Variants in RAB27A observed in about 807,000 individuals in gnomAD.
The protein encoded by RAB27A is ras-related protein Rab-27A.
A neutral mutation model predicts 20.8 loss-of-function variants in RAB27A; 17 were observed. That is an observed-to-expected ratio of 0.82 (90% CI 0.56 to 1.23). RAB27A has a LOEUF of 1.23. Among genes scored for constraint, RAB27A ranks in the 50% most tolerant of loss-of-function variants. The pLI is 0.00. For missense variants in RAB27A, 277 were observed against 266.7 expected (o/e 1.04, Z -0.27); for synonymous variants, 85 against 92.8 (o/e 0.92, Z 0.48).
chr15:55,268,131 C>A lies in RAB27A; in HGVS notation c.-23+2034G>T, dbSNP rs1342327590. Among the ~76,000 whole-genome samples, 4 of 151,844 alleles carry A rather than the reference C, an allele frequency of 2.6e-5. 1 individual carries two copies. The highest frequency in any genetic ancestry group is 9.7e-5 in the African/African-American group (4 of 41,384). ...TGGATAAAATGCCCTCATGAATAAA[C>A]ACTCATCCCCAAAACATCTTTTTTT... is the stretch of plus-strand genomic sequence containing the variant. On this transcript the variant is annotated intron_variant, in intron 2 of 6. Coordinates refer to ENST00000336787, the MANE Select transcript of RAB27A (RefSeq NM_183235.3).
At chr15:55,222,553 A>T (rs139863432) in intron 6 of RAB27A, among the ~76,000 whole-genome samples, 104 of 152,080 alleles carry the variant, frequency 6.8e-4, no homozygotes, top group Middle Eastern at 3.4e-3. Context: ...GATCAAATCT[A>T]ATCTCCTTAC....
At chr15:55,287,588 A>G (rs1300327372) in intron 1 of RAB27A, among the ~76,000 whole-genome samples, 2 of 151,894 alleles carry the variant, frequency 1.3e-5, no homozygotes, top group African/African-American at 4.8e-5. Flanking sequence ...TCTCTACTAA[A>G]AATATAAAAT....
chr15:55,246,821 A>G (rs1336202518), intron 2 of RAB27A, among the ~76,000 whole-genome samples: 1 of 152,088 alleles, frequency 6.6e-6, no homozygotes, highest in South Asian at 2.1e-4. Flanking sequence ...GCAGTCTCCA[A>G]GAATTTGGAA....
At chr15:55,224,429 T>C (rs1895716916) in intron 5 of RAB27A, among the ~76,000 whole-genome samples, 1 of 152,246 alleles carries the variant, frequency 6.6e-6, no homozygotes, top group South Asian at 2.1e-4. Context: ...AGCAATGACA[T>C]TTCTAAAAGA....
intron 1 of RAB27A, among the ~76,000 whole-genome samples, chr15:55,288,479 C>T (rs978024152): frequency 1.3e-5 from 2 of 152,028 alleles, no homozygotes; most frequent in Non-Finnish European, 2.9e-5. Flanking sequence ...CAAGATCATG[C>T]CACCGCATTC....
At chr15:55,277,688 T>C (rs1466146786) in intron 1 of RAB27A, among the ~76,000 whole-genome samples, 4 of 152,010 alleles carry the variant, frequency 2.6e-5, no homozygotes, top group Non-Finnish European at 5.9e-5. Flanking sequence ...TGAAGAAAAA[T>C]GGGCACCAAA....
rs1051253327 is a variant in RAB27A at position 55,204,130 on chromosome 15, C to A, written c.*1377G>T. The A allele has an allele frequency of 5.3e-5, 8 of 152,230 alleles. No individual in the cohort carries two copies. The East Asian group carries it at 1.5e-3, about 29-fold the overall frequency. The allele number at this position is 152,230 out of a possible 1,614,324, so 9.4% of individuals were successfully genotyped here. On this transcript the variant is annotated 3_prime_UTR_variant, in exon 7 of 7. Transcript: ENST00000336787. ...ATTTAAATTATGGTGAGTGATATTT[C>A]TTCCTATATAGCCATTAAGATCTCT...
Position 55,228,654 on chromosome 15 carries a change from C to G in RAB27A, c.298G>C (p.Asp100His), listed in dbSNP as rs1418292027. The change falls in exon 5 of 7, where the codon GAT (aspartate) becomes CAT (histidine). Residue 100 changes from aspartate (D) to histidine (H), a missense_variant. By Grantham distance (81) the Asp-to-His change is moderately conservative. Transcript: ENST00000336787. ...AGGAAACTTTGCTCATTTGTCAGATCAAAAAGTAGAAGAAAACCCATAGCA... is the reference window on the plus strand; with the variant it reads ...AGGAAACTTTGCTCATTTGTCAGATGAAAAAGTAGAAGAAAACCCATAGCA... ...RDAMGFLLLF[D>H]LTNEQSFLNV... The G allele has an allele frequency of 6.2e-7, 1 of 1,613,694 alleles. No homozygotes were observed. The highest frequency in any genetic ancestry group is 2.2e-5 in the East Asian group (1 of 44,866).
intron 2 of RAB27A, among the ~76,000 whole-genome samples, chr15:55,304,244 T>A (rs1436818405): frequency 4.0e-5 from 6 of 151,150 alleles, no homozygotes; most frequent in Non-Finnish European, 7.4e-5. Flanking sequence ...TGTGCTTTGT[T>A]AAACAGATGC....
At chr15:55,260,502 G>A (rs1176977688) in intron 2 of RAB27A, among the ~76,000 whole-genome samples, 1 of 152,182 alleles carries the variant, frequency 6.6e-6, no homozygotes, top group East Asian at 1.9e-4. Flanking sequence ...TATTATAGCA[G>A]CTTTATTCAT....
intron 2 of RAB27A, among the ~76,000 whole-genome samples, chr15:55,312,412 C>T (rs2055025528): frequency 6.6e-6 from 1 of 152,176 alleles, no homozygotes; most frequent in Non-Finnish European, 1.5e-5. Context: ...GGGCATATGC[C>T]TGTAAGGGGA....
chr15:55,300,594 G>A lies in RAB27A; in HGVS notation c.-112+13445C>T, dbSNP rs532762896. On this transcript the variant is annotated intron_variant, in intron 2 of 5. Transcript: ENST00000563262. ...CTCAGGAGGCTGAGGCAAGAGAATC[G>A]CTTGAACCCGGGAGGTGGAGGTTGC... is the stretch of plus-strand genomic sequence containing the variant. Among the ~76,000 whole-genome samples the A allele has an allele frequency of 3.9e-5, 6 of 152,234 alleles. No homozygotes were observed. The South Asian group carries it at 8.3e-4, about 21-fold the overall frequency.
At chr15:55,239,173 T>C (rs975261423) in intron 2 of RAB27A, among the ~76,000 whole-genome samples, 2 of 152,218 alleles carry the variant, frequency 1.3e-5, no homozygotes, top group African/African-American at 4.8e-5. Flanking sequence ...CCACTTTCAA[T>C]TGAGTCACAC....
chr15:55,284,094 A>C lies in RAB27A; in HGVS notation c.-143+5622T>G, dbSNP rs532936669. ...TAACCAATGAAACTATGAAAAAACA[A>C]GATTAGTGGTTCTGAAATATGGTAT... is the stretch of plus-strand genomic sequence containing the variant. On this transcript the variant is annotated intron_variant, in intron 1 of 6. Coordinates refer to ENST00000336787, the MANE Select transcript of RAB27A (RefSeq NM_183235.3). 1.6e-4 allele frequency among the ~76,000 whole-genome samples: 24 copies of C among 152,368 alleles called. No individual in the cohort carries two copies. In the South Asian group the frequency reaches 4.8e-3, roughly 30 times the overall value.
chr15:55,264,299 C>A (rs978521950), intron 2 of RAB27A, among the ~76,000 whole-genome samples: 6 of 152,246 alleles, frequency 3.9e-5, no homozygotes, highest in Admixed American at 3.3e-4. Context: ...GATCAGCCGG[C>A]CTCGGCCTCC....
intron 6 of RAB27A, among the ~76,000 whole-genome samples, chr15:55,212,046 A>C (rs1895054569): frequency 6.7e-6 from 1 of 149,118 alleles, no homozygotes; most frequent in Non-Finnish European, 1.5e-5. Context: ...GGTTTGCCTG[A>C]ATTGAAACTA....
intron 2 of RAB27A, among the ~76,000 whole-genome samples, chr15:55,244,366 T>G (rs886698514): frequency 1.3e-5 from 2 of 151,690 alleles, no homozygotes; most frequent in South Asian, 4.2e-4. Flanking sequence ...TAAAGCTCAG[T>G]AGAGAAGAAA....
At position 55,228,347 on chromosome 15, in the gene RAB27A, T is replaced by C. The variant is rs899563829; in HGVS notation, c.343+262A>G. 3.9e-5 allele frequency among the ~76,000 whole-genome samples: 6 copies of C among 152,190 alleles called. 1 individual carries two copies. The highest frequency in any genetic ancestry group is 4.1e-4 in the South Asian group (2 of 4,826). On this transcript the variant is annotated intron_variant, in intron 5 of 6. Transcript: ENST00000336787. ...GGGAATAAGAGTCTCTTCTGTGGGA[T>C]AGACTGAAGAGGAGAGCACACATAA... is the stretch of plus-strand genomic sequence containing the variant.
At chr15:55,209,871 C>CGT (rs1566896248) in intron 6 of RAB27A, among the ~76,000 whole-genome samples, 3 of 13,422 alleles carry the variant, frequency 2.2e-4, no homozygotes, top group Admixed American at 2.4e-3. Flanking sequence ...TACATATATA[C>CGT]ATATATGTGT....
Sources: gnomAD v4.1 joint callset for allele counts (sites outside exome capture counted in the v4.1 genomes callset) on GRCh38, gnomAD v4.1.1 for gene constraint, MANE v1.5 for transcripts, NCBI Gene and HGNC (gene_info 2026-07-23, HGNC 2026-07-21) for gene names.